Variants in DOCK10 observed in about 807,000 individuals in gnomAD.
DOCK10 encodes the protein dedicator of cytokinesis 10, also known as dedicator of cytokinesis protein 10.
Under a neutral mutation model 280.1 loss-of-function variants are expected in DOCK10, and 145 were observed. The ratio of observed to expected loss-of-function variants is 0.52; its 90% CI spans 0.45 to 0.59. The LOEUF is 0.59. Among genes scored for constraint, DOCK10 ranks in the 20% least tolerant of loss-of-function variants. DOCK10 has a pLI of 0.00. For synonymous variants in DOCK10, 915 were observed against 942.2 expected (o/e 0.97, Z 0.53); for missense variants, 2,368 against 2,651.7 (o/e 0.89, Z 2.35).
chr2:224,819,330 C>T, intron 29 of DOCK10, 116 bp downstream of exon 29: 1 of 599,176 alleles, frequency 1.7e-6, no homozygotes, highest in Non-Finnish European at 2.8e-6. Context: ...CTCTCCTTGG[C>T]ATAGAAATCA....
chr2:224,842,117 AAG>A (rs940937840), intron 22 of DOCK10, among the ~76,000 whole-genome samples: 9 of 152,274 alleles, frequency 5.9e-5, no homozygotes, highest in Middle Eastern at 3.4e-3. Context: ...ATTTCATTCT[AAG>A]AGGTTTTGTT....
chr2:225,036,861 C>T (rs1265646727), intron 1 of DOCK10, among the ~76,000 whole-genome samples: 1 of 151,806 alleles, frequency 6.6e-6, no homozygotes, highest in African/African-American at 2.4e-5. Context: ...ATTTACTGGT[C>T]CCAATGACTT....
chr2:225,016,536 CATATATCTAT>C (rs2106084117), intron 1 of DOCK10, among the ~76,000 whole-genome samples: 1 of 134,750 alleles, frequency 7.4e-6, no homozygotes, highest in East Asian at 2.1e-4. Context: ...CACATAGATA[CATATATCTAT>C]ATGCACATAG....
At chr2:224,878,244 T>G (rs866668659) in intron 7 of DOCK10, among the ~76,000 whole-genome samples, 1 of 152,182 alleles carries the variant, frequency 6.6e-6, no homozygotes, top group Non-Finnish European at 1.5e-5. Flanking sequence ...ACACAACAAT[T>G]ACTAAATACT....
intron 22 of DOCK10, 34 bp downstream of exon 22, chr2:224,844,719 A>G: frequency 7.6e-7 from 1 of 1,308,632 alleles, no homozygotes; most frequent in Non-Finnish European, 1.1e-6. Context: ...TGTGAGTTAG[A>G]GAAGATGCTA....
intron 3 of DOCK10, among the ~76,000 whole-genome samples, chr2:224,906,612 G>A (rs1700655951): frequency 6.6e-6 from 1 of 152,150 alleles, no homozygotes; most frequent in Non-Finnish European, 1.5e-5. Context: ...CCGAGTAGCT[G>A]GGACTACAGG....
At chr2:224,900,665 G>C (rs773603823) in intron 3 of DOCK10, among the ~76,000 whole-genome samples, 1 of 152,170 alleles carries the variant, frequency 6.6e-6, no homozygotes, top group Non-Finnish European at 1.5e-5. Context: ...ATCTCAAATA[G>C]CTTAATATCT....
chr2:224,785,012 C>G (rs1215258802), intron 50 of DOCK10, among the ~76,000 whole-genome samples: 1 of 152,166 alleles, frequency 6.6e-6, no homozygotes. Flanking sequence ...GCTCAGTTAG[C>G]CTGTGGCCAT....
chr2:225,016,628 GATACATATATCT>G (rs1430601062), intron 1 of DOCK10, among the ~76,000 whole-genome samples: 5,539 of 39,864 alleles, frequency 0.14, 1,149 homozygotes, highest in African/African-American at 0.32. Flanking sequence ...TGTGCACATA[GATACATATATCT>G]ATGTGCACAT....
intron 1 of DOCK10, among the ~76,000 whole-genome samples, chr2:224,947,362 T>A (rs1703478238): frequency 6.6e-6 from 1 of 152,216 alleles, no homozygotes; most frequent in Admixed American, 6.5e-5. Flanking sequence ...ATAATTCTGG[T>A]TAGACTCCAA....
intron 1 of DOCK10, among the ~76,000 whole-genome samples, chr2:225,017,807 T>G (rs1689658695): frequency 6.6e-6 from 1 of 152,196 alleles, no homozygotes; most frequent in South Asian, 2.1e-4. Flanking sequence ...TAATCATTGA[T>G]GAAATCATCT....
At chr2:225,038,364 G>A (rs1029204056) in intron 1 of DOCK10, among the ~76,000 whole-genome samples, 4 of 151,692 alleles carry the variant, frequency 2.6e-5, no homozygotes, top group Admixed American at 6.6e-5. Flanking sequence ...AATTCCTCAC[G>A]CTCACGTAAA....
intron 1 of DOCK10, among the ~76,000 whole-genome samples, chr2:225,014,415 G>T (rs79398396): frequency 0.063 from 9,511 of 151,822 alleles, 362 homozygotes; most frequent in Middle Eastern, 0.12. Context: ...AAAATAAAAG[G>T]TGCTATAATA....
At chr2:224,766,111 A>G (rs1307724475) in intron 55 of DOCK10, among the ~76,000 whole-genome samples, 1 of 152,178 alleles carries the variant, frequency 6.6e-6, no homozygotes, top group Non-Finnish European at 1.5e-5. Flanking sequence ...AATATATCTG[A>G]GTAATTCCAG....
rs1698476134 is a variant in DOCK10 at position 224,874,090 on chromosome 2, T to C, written c.1163A>G (p.Glu388Gly). 6.2e-6 allele frequency: 10 copies of C among 1,612,080 alleles called. No homozygotes were observed. The highest frequency in any genetic ancestry group is 1.3e-5 in the African/African-American group (1 of 74,926). The change falls in exon 11 of 56, where the codon GAA becomes GGA. Residue 388 changes from glutamate to glycine, a missense_variant. Around this residue, in one of 2 missense-constraint regions of DOCK10, gnomAD observed 1,209 missense variants for 1,250.9 expected, o/e 0.97. Coordinates refer to ENST00000258390, the MANE Select transcript of DOCK10 (RefSeq NM_014689.3). ...GATCATGATTCTCTTGGCAGCTTTTTCTTCAAATGGTTTGATCACAGACTC... is the reference window on the plus strand; with the variant it reads ...GATCATGATTCTCTTGGCAGCTTTTCCTTCAAATGGTTTGATCACAGACTC... ...EPESVIKPFE[E>G]KAAKRIMIIC...
At chr2:225,020,369 G>A (rs559910162) in intron 1 of DOCK10, among the ~76,000 whole-genome samples, 74 of 152,178 alleles carry the variant, frequency 4.9e-4, no homozygotes, top group Admixed American at 2.6e-3. Context: ...AAAATGTGGT[G>A]AACACACTGG....
chr2:224,987,620 G>A (rs1272199103), intron 1 of DOCK10, among the ~76,000 whole-genome samples: 2 of 152,140 alleles, frequency 1.3e-5, no homozygotes, highest in African/African-American at 2.4e-5. Context: ...AATGAAGACT[G>A]CAGTTGGTGC....
chr2:224,932,472 C>T (rs1056987675), intron 1 of DOCK10, among the ~76,000 whole-genome samples: 10 of 152,072 alleles, frequency 6.6e-5, no homozygotes, highest in Admixed American at 6.5e-5. Context: ...GACCCTCCCT[C>T]GCCGCAAAAC....
In DOCK10 at chr2:224,770,749, TCACA is replaced by T; in HGVS notation, c.6205-108_6205-105del. On this transcript the variant is annotated intron_variant, in intron 53 of 55. Coordinates refer to ENST00000258390, the MANE Select transcript of DOCK10 (RefSeq NM_014689.3). The surrounding 1 kb of genome is among the most constrained non-coding windows in gnomAD (Gnocchi z 4.5). The stretch of plus-strand genomic sequence containing the variant: ...GCACCAATGGTGTGGTACCCCCATC[TCACA>T]CCCTGCCTTCTAGTCCACTCATTTG... 1 of 772,726 alleles carries T rather than the reference TCACA, an allele frequency of 1.3e-6. No homozygotes were observed. The highest frequency in any genetic ancestry group is 2.2e-6 in the Non-Finnish European group (1 of 451,586). The allele number at this position is 772,726 out of a possible 1,614,324, so 47.9% of individuals were successfully genotyped here.
Sources: gnomAD v4.1 joint callset for allele counts (sites outside exome capture counted in the v4.1 genomes callset) on GRCh38, gnomAD v4.1.1 for gene constraint, gnomAD v4.1.1 regional missense constraint, Gnocchi (gnomAD v3.1) non-coding constraint, MANE v1.5 for transcripts, NCBI Gene and HGNC (gene_info 2026-07-23, HGNC 2026-07-21) for gene names.